ZC3H12D: variants seen among roughly 807,000 people sequenced by gnomAD.
ZC3H12D encodes the protein probable ribonuclease ZC3H12D.
In ZC3H12D, 11 loss-of-function variants were observed where a neutral mutation model predicts 24.2. The observed-to-expected ratio is 0.46, with a 90% CI of 0.29 to 0.75. The LOEUF is 0.75. Among genes scored for constraint, ZC3H12D ranks in the 30% least tolerant of loss-of-function variants. The pLI, the probability that ZC3H12D is intolerant of heterozygous loss-of-function variation, is 0.11. For synonymous variants in ZC3H12D, 333 were observed against 341.8 expected, an observed-to-expected ratio of 0.97 and a Z score of 0.28; for missense variants, 740 against 767.7, an observed-to-expected ratio of 0.96 and a Z score of 0.43.
chr6:149,459,263 C>G (rs1347976745), intron 3 of ZC3H12D, among the ~76,000 whole-genome samples: 1 of 152,206 alleles, frequency 6.6e-6, no homozygotes, highest in Non-Finnish European at 1.5e-5. Context: ...CCATTCTTCA[C>G]ATTCAGACCA....
At chr6:149,483,031 C>T (rs1325189208) in intron 1 of ZC3H12D, 1 of 153,640 alleles carries the variant, frequency 6.5e-6, no homozygotes, top group African/African-American at 2.4e-5. Context: ...CCCTGCCCCC[C>T]AAGTCTGTTC....
intron 2 of ZC3H12D, among the ~76,000 whole-genome samples, chr6:149,463,085 C>G (rs1776101162): frequency 6.6e-6 from 1 of 152,198 alleles, no homozygotes; most frequent in Non-Finnish European, 1.5e-5. Flanking sequence ...AGAATACATT[C>G]TGAGGACTAA....
In ZC3H12D at chr6:149,449,648, A is replaced by C. The variant is rs1191428835; in HGVS notation, c.*1035T>G. 6.6e-6 allele frequency: 1 copy of C among 152,198 alleles called. No individual in the cohort carries two copies. Among genetic ancestry groups the C allele is most frequent in the African/African-American group, 2.4e-5 (1 of 41,416 alleles). 9.4% of individuals were successfully genotyped at this position (152,198 alleles called of 1,614,324 possible). ...GAGACAGGGTTTCACCATGTTGGCC[A>C]GGCTGGTCTCGAACTCCTGACCTCA... is the stretch of plus-strand genomic sequence containing the variant. On this transcript the variant is annotated 3_prime_UTR_variant, in exon 6 of 6. Coordinates refer to ENST00000409806, the MANE Select transcript of ZC3H12D (RefSeq NM_207360.3).
Position 149,456,965 on chromosome 6 carries a change from A to G in ZC3H12D, c.446-65T>C. On this transcript the variant is annotated intron_variant, in intron 3 of 5. Transcript: ENST00000409806. The surrounding 1 kb of genome is among the most constrained non-coding windows in gnomAD (Gnocchi z 4.3). The stretch of plus-strand genomic sequence containing the variant: ...GGCACCGCCCCTGAGAACCACCCCC[A>G]ACGCGAGGCCACCCGCTTCCCGGGC... 1 of 1,489,986 alleles carries G rather than the reference A, an allele frequency of 6.7e-7. No homozygotes were observed. Among genetic ancestry groups the G allele is most frequent in the Non-Finnish European group, 9.1e-7 (1 of 1,098,562 alleles). The allele number at this position is 1,489,986 out of a possible 1,614,324, so 92.3% of individuals were successfully genotyped here.
chr6:149,450,400 C>G lies in ZC3H12D; in HGVS notation c.*283G>C. 2.4e-6 allele frequency: 1 copy of G among 410,846 alleles called. No individual in the cohort carries two copies. Among genetic ancestry groups the G allele is most frequent in the Non-Finnish European group, 4.3e-6 (1 of 229,980 alleles). 25.5% of individuals were successfully genotyped at this position (410,846 alleles called of 1,614,324 possible). A position where few individuals can be genotyped will look rare whatever the true frequency, so the allele number is the denominator to read the frequency against. The stretch of plus-strand genomic sequence containing the variant: ...TGATTTTGTGACCCACTTGTGGGTT[C>G]TACTGCAGCTTGGACCCGCAGTCTC... On this transcript the variant is annotated 3_prime_UTR_variant, in exon 6 of 6. Coordinates refer to ENST00000409806, the MANE Select transcript of ZC3H12D (RefSeq NM_207360.3).
intron 2 of ZC3H12D, among the ~76,000 whole-genome samples, chr6:149,469,636 C>T (rs574330343): frequency 6.6e-6 from 1 of 152,164 alleles, no homozygotes; most frequent in Non-Finnish European, 1.5e-5. Context: ...ATGACCCGAG[C>T]TGATGTCCCT....
chr6:149,472,976 A>C (rs1776269105), intron 2 of ZC3H12D, among the ~76,000 whole-genome samples: 3 of 152,132 alleles, frequency 2.0e-5, no homozygotes, highest in African/African-American at 7.2e-5. Flanking sequence ...TCTTAAATTG[A>C]GCAGAATTTC....
chr6:149,456,604 G>T lies in ZC3H12D; in HGVS notation c.680+62C>A. ...CCACCTGGTAGCAGGCGTGGCCACT[G>T]CCTCGACCCCGGCCCCCCGCCCCGC... On this transcript the variant is annotated intron_variant, in intron 4 of 5. Coordinates refer to ENST00000409806, the MANE Select transcript of ZC3H12D (RefSeq NM_207360.3). This position sits in a 1 kb window ranked among gnomAD's most constrained non-coding sequence, Gnocchi z 4.3. 1 of 1,393,508 alleles carries T rather than the reference G, an allele frequency of 7.2e-7. No homozygotes were observed. The highest frequency in any genetic ancestry group is 1.9e-5 in the Admixed American group (1 of 51,312). 86.3% of individuals were successfully genotyped at this position (1,393,508 alleles called of 1,614,324 possible).
At chr6:149,484,574 G>T (rs555302639) in intron 1 of ZC3H12D, among the ~76,000 whole-genome samples, 3 of 152,222 alleles carry the variant, frequency 2.0e-5, no homozygotes, top group Non-Finnish European at 4.4e-5. Flanking sequence ...TTGCTAAAAT[G>T]AGCAAGGATT....
In ZC3H12D at chr6:149,453,076, G is replaced by A. The variant is rs370276662; in HGVS notation, c.681-354C>T. Among the ~76,000 whole-genome samples the A allele has an allele frequency of 6.7e-5, 10 of 149,758 alleles. No individual in the cohort carries two copies. In the East Asian group the frequency reaches 2.0e-3, roughly 29 times the overall value. On this transcript the variant is annotated intron_variant, in intron 4 of 5. Transcript: ENST00000409806. ...GAGGCAGAAAGATCCCTTGAGCTCA[G>A]GAGTTCAAGACCAGCCTGGACAACA...
Position 149,451,025 on chromosome 6 carries a change from C to G in ZC3H12D, c.1242G>C (p.Arg414=). Residue 414 remains arginine (R), a synonymous_variant, in exon 6 of 6, where the codon CGG becomes CGC. Transcript: ENST00000409806. ...PPPPGLQLQP[R]GEHRPRDLHG... is the part of the protein sequence containing the mutation. Reference sequence around the variant, plus strand: ...GCAGGTCCCTAGGGCGGTGTTCGCCCCGCGGCTGGAGCTGCAGGCCGGGCG... The same window carrying G: ...GCAGGTCCCTAGGGCGGTGTTCGCCGCGCGGCTGGAGCTGCAGGCCGGGCG... 6.9e-7 allele frequency: 1 copy of G among 1,445,130 alleles called. No individual in the cohort carries two copies. The highest frequency in any genetic ancestry group is 2.7e-5 in the Admixed American group (1 of 37,062). The allele number at this position is 1,445,130 out of a possible 1,614,324, so 89.5% of individuals were successfully genotyped here. A position where few individuals can be genotyped will look rare whatever the true frequency, so the allele number is the denominator to read the frequency against.
Position 149,450,933 on chromosome 6 carries a change from C to G in ZC3H12D, c.1334G>C (p.Arg445Pro), listed in dbSNP as rs1250041884. 1 of 1,539,388 alleles carries G rather than the reference C, an allele frequency of 6.5e-7. No homozygotes were observed. Among genetic ancestry groups the G allele is most frequent in the Non-Finnish European group, 8.7e-7 (1 of 1,145,772 alleles). Residue 445 changes from arginine (R) to proline (P), a missense_variant, in exon 6 of 6, where the codon CGC (arginine) becomes CCC (proline). Physicochemically the swap from Arg to Pro is moderately radical, Grantham distance 103. Transcript: ENST00000409806. ...DPWARPPRSD[R>P]FPGRSVWAEP... ...CGCCCAGACGGAGCGCCCAGGGAAG[C>G]GGTCGGAGCGGGGTGGACGGGCCCA...
chr6:149,466,907 AAAATAAAATAAAATAAAATAAAAT>A (rs869222606), intron 2 of ZC3H12D, among the ~76,000 whole-genome samples: 1 of 151,026 alleles, frequency 6.6e-6, no homozygotes, highest in Non-Finnish European at 1.5e-5. Context: ...AAAATAAAAT[AAAATAAAATAAAATAAAATAAAAT>A]AAAAAAGCTG....
chr6:149,458,695 G>A (rs899340106), intron 3 of ZC3H12D, among the ~76,000 whole-genome samples: 4 of 152,146 alleles, frequency 2.6e-5, no homozygotes, highest in Admixed American at 1.3e-4. Context: ...GTTTTCCAGA[G>A]TGGCGATGCC....
In ZC3H12D at chr6:149,452,569, C is replaced by G; in HGVS notation, c.787+47G>C. ...TTTGACTGTGCTCCTGTACTGCCCC[C>G]ACACAAGGCCCTGAACAGGGCCTGC... On this transcript the variant is annotated intron_variant, in intron 5 of 5. Coordinates refer to ENST00000409806, the MANE Select transcript of ZC3H12D (RefSeq NM_207360.3). The surrounding 1 kb of genome is among the most constrained non-coding windows in gnomAD (Gnocchi z 4.0). 7.0e-7 allele frequency: 1 copy of G among 1,426,292 alleles called. No individual in the cohort carries two copies. Among genetic ancestry groups the G allele is most frequent in the Non-Finnish European group, 9.3e-7 (1 of 1,079,054 alleles). The allele number at this position is 1,426,292 out of a possible 1,614,324, so 88.4% of individuals were successfully genotyped here.
At chr6:149,470,736 T>C (rs997023087) in intron 2 of ZC3H12D, among the ~76,000 whole-genome samples, 3 of 152,016 alleles carry the variant, frequency 2.0e-5, no homozygotes, top group African/African-American at 7.3e-5. Flanking sequence ...TACAGTCCAA[T>C]CTACAGCCAC....
intron 1 of ZC3H12D, 21 bp from the exon 2 acceptor site, chr6:149,474,634 T>C (rs1776303223): frequency 2.4e-6 from 3 of 1,238,104 alleles, no homozygotes; most frequent in African/African-American, 3.0e-5. Context: ...AAAAAATGCA[T>C]CCATCAGGTG....
intron 1 of ZC3H12D, 26 bp from the exon 2 acceptor site, chr6:149,474,639 C>A (rs1022724139): frequency 9.0e-6 from 11 of 1,215,538 alleles, no homozygotes; most frequent in African/African-American, 1.5e-5. Flanking sequence ...ATGCATCCAT[C>A]AGGTGTTTCC....
intron 1 of ZC3H12D, chr6:149,482,952 C>T: frequency 6.5e-6 from 1 of 152,854 alleles, no homozygotes; most frequent in Non-Finnish European, 1.5e-5. Flanking sequence ...AGGCCAGCAG[C>T]CACCATGAGG....
Sources: allele counts gnomAD v4.1 joint callset (sites outside exome capture counted in the v4.1 genomes callset), GRCh38; gene constraint gnomAD v4.1.1; non-coding constraint Gnocchi (gnomAD v3.1); transcripts MANE v1.5; gene names NCBI Gene and HGNC (gene_info 2026-07-23, HGNC 2026-07-21).